The following ZNF182 variants were observed in gnomAD, a reference collection of about 807,000 sequenced individuals.
ZNF182 encodes zinc finger protein 21 (KOX 14).
In ZNF182, 10 loss-of-function variants were observed where a neutral mutation model predicts 28.1. The ratio of observed to expected loss-of-function variants is 0.36; its 90% CI spans 0.22 to 0.60. The LOEUF (loss-of-function observed/expected upper bound fraction) is 0.60. Among genes scored for constraint, ZNF182 ranks in the 20% least tolerant of loss-of-function variants. ZNF182 has a pLI of 0.75. For synonymous variants in ZNF182, 156 were observed against 158.7 expected (o/e 0.98, Z 0.13); for missense variants, 352 against 453.2 (o/e 0.78, Z 2.03).
intron 3 of ZNF182, among the ~76,000 whole-genome samples, chrX:48,000,272 T>C (rs1263821127): frequency 9.1e-6 from 1 of 110,216 alleles, no homozygotes; most frequent in Non-Finnish European, 1.9e-5. Flanking sequence ...CAAAAATTAA[T>C]GCAAAAGAGC....
intron 3 of ZNF182, among the ~76,000 whole-genome samples, chrX:48,001,598 T>C (rs1377966532): frequency 8.0e-5 from 9 of 111,852 alleles, no homozygotes; most frequent in African/African-American, 2.9e-4. Context: ...ATCCTTGCGA[T>C]GATGGGGCTT....
intron 5 of ZNF182, among the ~76,000 whole-genome samples, chrX:47,982,566 G>A (rs2058909629): frequency 8.9e-6 from 1 of 112,352 alleles, no homozygotes; most frequent in South Asian, 3.7e-4. Context: ...ACTGGACTCA[G>A]GTTGTTCAAT....
intron 3 of ZNF182, among the ~76,000 whole-genome samples, chrX:47,994,693 C>T (rs1287156387): frequency 2.7e-5 from 3 of 111,578 alleles, no homozygotes; most frequent in Admixed American, 9.4e-5. Flanking sequence ...GGCTGGAATG[C>T]GGTGGTGTGA....
Position 47,976,764 on chromosome X carries a change from T to C in ZNF182, c.1266A>G (p.Gln422=). The stretch of plus-strand genomic sequence containing the variant: ...TCTGATGTACACCAAGGTTTGACTT[T>C]TGCGTGAAGGTTTTTCCACACACAT... ...ECDVCGKTFT[Q]KSNLGVHQRT... is the part of the protein sequence containing the mutation. Residue 422 remains glutamine (Q), a synonymous_variant, in exon 6 of 6, where the codon CAA becomes CAG. Coordinates refer to ENST00000376943, the MANE Select transcript of ZNF182 (RefSeq NM_001007088.2). The C allele has an allele frequency of 8.3e-7, 1 of 1,211,083 alleles. No individual in the cohort carries two copies. Among genetic ancestry groups the C allele is most frequent in the Non-Finnish European group, 1.1e-6 (1 of 895,311 alleles).
At position 47,976,939 on chromosome X, in the gene ZNF182, A is replaced by T. The variant is rs1400936196; in HGVS notation, c.1091T>A (p.Phe364Tyr). The change falls in exon 6 of 6, where the codon TTC becomes TAC. Residue 364 changes from phenylalanine to tyrosine, a missense_variant. Transcript: ENST00000376943. ...TATAATGAGAGTTGACTTATCACTG[A>T]AAGTTTTCTTACACTCATTACATTC... ...PHECNECKKT[F>Y]SDKSTLIIHQ... is the part of the protein sequence containing the mutation. The T allele has an allele frequency of 2.5e-6, 3 of 1,208,310 alleles. No individual in the cohort carries two copies. The African/African-American group carries it at 5.3e-5, about 21-fold the overall frequency.
At position 47,980,362 on chromosome X, in the gene ZNF182, A is replaced by T. The variant is rs1002441709; in HGVS notation, c.233-2565T>A. On this transcript the variant is annotated intron_variant, in intron 5 of 5. Transcript: ENST00000376943. ...TGCAAAGATATAGTTAGATAGGAGG[A>T]ATAAGTTTCCGTGTTACATTGCACA... Among the ~76,000 whole-genome samples the T allele has an allele frequency of 4.5e-5, 5 of 111,485 alleles. No homozygotes were observed. The Admixed American group carries it at 4.8e-4, about 11-fold the overall frequency.
intron 2 of ZNF182, among the ~76,000 whole-genome samples, chrX:48,003,022 A>G: frequency 8.9e-6 from 1 of 112,223 alleles, no homozygotes; most frequent in East Asian, 2.8e-4. Context: ...GGGATTAATA[A>G]TAACAAAATA....
intron 3 of ZNF182, chrX:47,988,441 A>C: frequency 2.8e-6 from 1 of 351,317 alleles, no homozygotes; most frequent in Non-Finnish European, 5.2e-6. Flanking sequence ...TTTTCACTCT[A>C]TTTGTTCAGA....
intron 3 of ZNF182, among the ~76,000 whole-genome samples, chrX:48,000,928 G>A (rs782615852): frequency 3.6e-5 from 4 of 111,775 alleles, no homozygotes; most frequent in African/African-American, 1.3e-4. Flanking sequence ...TTCATCAAGA[G>A]GATAGACCAA....
rs782282288 is a variant in ZNF182 at position 47,975,828 on chromosome X, G to A, written c.*339C>T. 10 of 169,354 alleles carry A rather than the reference G, an allele frequency of 5.9e-5. No individual in the cohort carries two copies. Among genetic ancestry groups the A allele is most frequent in the African/African-American group, 2.4e-4 (8 of 32,894 alleles). The allele number at this position is 169,354 out of a possible 1,213,427, so 14.0% of individuals were successfully genotyped here. A position where few individuals can be genotyped will look rare whatever the true frequency, so the allele number is the denominator to read the frequency against. ...TGTTATATCTATGGTTCCGCGCCTC[G>A]GGGTATATCCCGAACCTCAGCTAAG... On this transcript the variant is annotated 3_prime_UTR_variant, in exon 6 of 6. Coordinates refer to ENST00000376943, the MANE Select transcript of ZNF182 (RefSeq NM_001007088.2).
At chrX:47,988,511 C>T in intron 3 of ZNF182, 1 of 489,097 alleles carries the variant, frequency 2.0e-6, no homozygotes, top group Non-Finnish European at 3.7e-6. Flanking sequence ...CCCACTCTTG[C>T]CATGTGACAT....
chrX:47,998,528 C>G (rs1556901420), intron 3 of ZNF182, among the ~76,000 whole-genome samples: 1 of 111,919 alleles, frequency 8.9e-6, no homozygotes, highest in Non-Finnish European at 1.9e-5. Flanking sequence ...AATGAAAATA[C>G]AACATATGAA....
intron 3 of ZNF182, among the ~76,000 whole-genome samples, chrX:47,996,380 T>C (rs1275961007): frequency 9.2e-6 from 1 of 108,364 alleles, no homozygotes; most frequent in African/African-American, 3.4e-5. Flanking sequence ...TAAATAGATA[T>C]AGTAAAAAAC....
intron 3 of ZNF182, among the ~76,000 whole-genome samples, chrX:47,995,003 T>C (rs782386126): frequency 1.8e-5 from 2 of 109,007 alleles, no homozygotes; most frequent in Admixed American, 2.0e-4. Context: ...AACTGTTCCA[T>C]CTGCAATGAG....
rs35287357 is a variant in ZNF182 at position 47,975,515 on chromosome X, GT to G, written c.*651del. 0.04 allele frequency: 4,023 copies of G among 100,935 alleles called. 73 individuals are homozygous for G. Among genetic ancestry groups the G allele is most frequent in the Middle Eastern group, 0.072 (14 of 194 alleles). 8.3% of individuals were successfully genotyped at this position (100,935 alleles called of 1,213,427 possible). A position where few individuals can be genotyped will look rare whatever the true frequency, so the allele number is the denominator to read the frequency against. On this transcript the variant is annotated 3_prime_UTR_variant, in exon 6 of 6. Transcript: ENST00000376943. ...CCAGGGCCACATTCTAAGCAGATCA[GT>G]TTTTTTTTTTTTTGACAACTGAGAA...
At chrX:47,998,146 G>A (rs1334703460) in intron 3 of ZNF182, among the ~76,000 whole-genome samples, 2 of 106,295 alleles carry the variant, frequency 1.9e-5, no homozygotes, top group African/African-American at 3.5e-5. Flanking sequence ...AATCAATGGC[G>A]TGATCTTGGC....
chrX:47,981,899 CAA>C (rs781925569), intron 5 of ZNF182, among the ~76,000 whole-genome samples: 2 of 91,508 alleles, frequency 2.2e-5, no homozygotes. Flanking sequence ...GACTCTGTCT[CAA>C]AAAAAAAAAA....
At chrX:47,986,658 G>A (rs1603226128) in intron 3 of ZNF182, among the ~76,000 whole-genome samples, 1 of 111,792 alleles carries the variant, frequency 8.9e-6, no homozygotes, top group Non-Finnish European at 1.9e-5. Flanking sequence ...TCCTGGGTGT[G>A]TCTGTGAGGG....
chrX:47,977,973 T>C (rs1435021506), intron 5 of ZNF182, among the ~76,000 whole-genome samples, 176 bp from the exon 6 acceptor site: 1 of 112,075 alleles, frequency 8.9e-6, no homozygotes, highest in Non-Finnish European at 1.9e-5. Context: ...AGAACAATCT[T>C]ACCCTGACAC....
Sources: gnomAD v4.1 joint callset for allele counts (sites outside exome capture counted in the v4.1 genomes callset) on GRCh38, gnomAD v4.1.1 for gene constraint, MANE v1.5 for transcripts, NCBI Gene and HGNC (gene_info 2026-07-23, HGNC 2026-07-21) for gene names.